The following ABCD3 variants were observed in gnomAD, a reference collection of about 807,000 sequenced individuals.
ABCD3 encodes the protein ATP binding cassette subfamily D member 3, also known as ATP-binding cassette sub-family D member 3.
ABCD3 carries 41 observed loss-of-function variants against 105.5 expected under a neutral mutation model. The observed-to-expected ratio is 0.39, with a 90% CI of 0.30 to 0.50. ABCD3 has a LOEUF of 0.50. Among genes scored for constraint, ABCD3 ranks in the 20% least tolerant of loss-of-function variants. ABCD3 has a pLI of 0.84. For synonymous variants in ABCD3, 258 were observed against 269.0 expected (o/e 0.96, Z 0.40); for missense variants, 622 against 806.3 (o/e 0.77, Z 2.77).
intron 16 of ABCD3, among the ~76,000 whole-genome samples, chr1:94,493,199 T>G (rs903546005): frequency 1.3e-5 from 2 of 151,966 alleles, no homozygotes; most frequent in Non-Finnish European, 2.9e-5. Context: ...CCTACTCATC[T>G]GACAAAGGGC....
intron 1 of ABCD3, among the ~76,000 whole-genome samples, chr1:94,430,921 A>C (rs1365186436): frequency 1.3e-5 from 2 of 152,224 alleles, no homozygotes; most frequent in African/African-American, 4.8e-5. Flanking sequence ...GGGAGAAAAC[A>C]CCTTTTCTAA....
chr1:94,400,280 C>T, the ABCD3 span, among the ~76,000 whole-genome samples: 1 of 151,830 alleles, frequency 6.6e-6, no homozygotes, highest in Non-Finnish European at 1.5e-5. Context: ...TTGGTGGCAG[C>T]TGCAACCTCA....
intron 9 of ABCD3, chr1:94,481,688 C>T (rs879848377): frequency 5.9e-5 from 9 of 152,314 alleles, no homozygotes; most frequent in Non-Finnish European, 1.2e-4. Context: ...TTCACTAGCT[C>T]CTCTCCCCTG....
At chr1:94,425,555 G>A (rs1172128015) in intron 1 of ABCD3, among the ~76,000 whole-genome samples, 2 of 152,184 alleles carry the variant, frequency 1.3e-5, no homozygotes, top group African/African-American at 2.4e-5. Flanking sequence ...CCAGAAGTAG[G>A]ATTAATGAAT....
chr1:94,416,474 C>T (rs913410347), upstream of ABCD3, among the ~76,000 whole-genome samples: 3 of 152,224 alleles, frequency 2.0e-5, no homozygotes, highest in East Asian at 5.8e-4. Flanking sequence ...ATGATCTGTT[C>T]ATCCTTGTGT....
chr1:94,485,833 A>G (rs1649253526), intron 10 of ABCD3, among the ~76,000 whole-genome samples: 1 of 152,202 alleles, frequency 6.6e-6, no homozygotes, highest in Admixed American at 6.5e-5. Context: ...TGAACAATAC[A>G]GACATTAGTG....
At chr1:94,483,998 TGAAAA>T (rs1649158770) in intron 10 of ABCD3, among the ~76,000 whole-genome samples, 1 of 152,196 alleles carries the variant, frequency 6.6e-6, no homozygotes, top group South Asian at 2.1e-4. Flanking sequence ...CAGACACTTC[TGAAAA>T]GAAGACATTT....
chr1:94,419,354 C>A, intron 1 of ABCD3: 2 of 985,018 alleles, frequency 2.0e-6, no homozygotes, highest in Non-Finnish European at 2.4e-6. Flanking sequence ...TAATGACACG[C>A]CACTGCTTCC....
rs138141521 is a variant in ABCD3 at position 94,439,317 on chromosome 1, G to T, written c.111-19290G>T. Among the ~76,000 whole-genome samples, 1,101 of 152,078 alleles carry T rather than the reference G, an allele frequency of 7.2e-3. 17 individuals are homozygous for T. The highest frequency in any genetic ancestry group is 0.025 in the African/African-American group (1,036 of 41,474). On this transcript the variant is annotated intron_variant, in intron 1 of 22. Transcript: ENST00000370214. ...TCCCTTTTAAATGACTTGGTCTTTT[G>T]TGTATCCAAAGGATTTTTTTTTCAC...
In ABCD3 at chr1:94,448,734, A is replaced by G. The variant is rs571304079; in HGVS notation, c.111-9873A>G. Reference sequence around the variant, plus strand: ...CATTCCAGCTTCTATTAAAACAGATAATGCCCCAGGCTATACTAGCCAAGC... The same window carrying G: ...CATTCCAGCTTCTATTAAAACAGATGATGCCCCAGGCTATACTAGCCAAGC... On this transcript the variant is annotated intron_variant, in intron 1 of 22. Transcript: ENST00000370214. Among the ~76,000 whole-genome samples, 239 of 152,342 alleles carry G rather than the reference A, an allele frequency of 1.6e-3. 2 individuals carry two copies. Among genetic ancestry groups the G allele is most frequent in the African/African-American group, 5.5e-3 (227 of 41,576 alleles).
intron 1 of ABCD3, chr1:94,432,666 T>A (rs1456113438): frequency 6.6e-6 from 1 of 152,176 alleles, no homozygotes; most frequent in Non-Finnish European, 1.5e-5. Context: ...AAAGGCAGAA[T>A]AAAACATTTA....
intron 2 of ABCD3, among the ~76,000 whole-genome samples, chr1:94,461,547 A>C (rs1384639107): frequency 6.6e-6 from 1 of 152,076 alleles, no homozygotes; most frequent in Non-Finnish European, 1.5e-5. Context: ...TGTAAAATGA[A>C]TTGCATGTAT....
chr1:94,430,983 A>AT (rs1230230050), intron 1 of ABCD3, among the ~76,000 whole-genome samples: 1 of 152,182 alleles, frequency 6.6e-6, no homozygotes, highest in Non-Finnish European at 1.5e-5. Flanking sequence ...CTTTTTTTAC[A>AT]TTTTAGCATC....
intron 16 of ABCD3, among the ~76,000 whole-genome samples, chr1:94,498,332 A>T (rs374538134): frequency 2.4e-4 from 37 of 152,240 alleles, no homozygotes; most frequent in African/African-American, 8.9e-4. Flanking sequence ...TTAGCCTCCC[A>T]AAATGCTGAG....
intron 1 of ABCD3, among the ~76,000 whole-genome samples, chr1:94,428,076 T>A (rs988956939): frequency 1.8e-4 from 27 of 150,994 alleles, no homozygotes; most frequent in African/African-American, 6.1e-4. Flanking sequence ...GGTGTTTTGT[T>A]TTTTTTTTTA....
At chr1:94,394,905 A>G in the ABCD3 span, among the ~76,000 whole-genome samples, 4 of 152,138 alleles carry the variant, frequency 2.6e-5, no homozygotes. Flanking sequence ...AATCGTGTCT[A>G]TCTTGTTTCT....
At chr1:94,423,573 G>T (rs1471371544) in intron 1 of ABCD3, among the ~76,000 whole-genome samples, 1 of 152,154 alleles carries the variant, frequency 6.6e-6, no homozygotes, top group Non-Finnish European at 1.5e-5. Context: ...TTTCTCTAAA[G>T]AATCAATCAC....
intron 1 of ABCD3, among the ~76,000 whole-genome samples, chr1:94,442,575 A>G (rs1660173011): frequency 6.6e-6 from 1 of 152,176 alleles, no homozygotes. Flanking sequence ...CATCACCTGA[A>G]TAGTGAATGT....
At chr1:94,500,408 T>C (rs1263586879) in intron 20 of ABCD3, among the ~76,000 whole-genome samples, 1 of 152,042 alleles carries the variant, frequency 6.6e-6, no homozygotes, top group East Asian at 1.9e-4. Context: ...ACCGTGGCAC[T>C]CCAGGCTGGG....
Sources: gnomAD v4.1 joint callset for allele counts (sites outside exome capture counted in the v4.1 genomes callset) on GRCh38, gnomAD v4.1.1 for gene constraint, MANE v1.5 for transcripts, NCBI Gene and HGNC (gene_info 2026-07-23, HGNC 2026-07-21) for gene names.